The following INPP5D variants were observed in gnomAD, a reference collection of about 807,000 sequenced individuals.
INPP5D encodes the protein inositol polyphosphate-5-phosphatase D.
Under a neutral mutation model 122.9 loss-of-function variants are expected in INPP5D, and 33 were observed. The ratio of observed to expected loss-of-function variants is 0.27; its 90% CI spans 0.20 to 0.36. INPP5D has a LOEUF of 0.36. INPP5D is among the 10% of genes least tolerant of loss of function. The pLI, the probability that INPP5D is intolerant of heterozygous loss-of-function variation, is 1.00. For missense variants in INPP5D, 1,053 were observed against 1,412.7 expected (o/e 0.75, Z 4.08); for synonymous variants, 584 against 576.2 (o/e 1.01, Z -0.19).
rs958947511 is a variant in INPP5D at position 233,204,140 on chromosome 2, G to A, written c.2990G>A (p.Gly997Glu). ...RTQESRPSDL[G>E]KNAGDTLPQE... ...CCTGGCTCTAGGCCCAGTGACCTGG[G>A]GAAGAACGCAGGGGACACGCTGCCT... Residue 997 changes from glycine to glutamate, a missense_variant, in exon 26 of 27, where the codon GGG becomes GAG. Physicochemically the swap from Gly to Glu is moderately conservative, Grantham distance 98. Around this residue, in one of 6 missense-constraint regions of INPP5D, gnomAD observed 417 missense variants for 425.8 expected, o/e 0.98. Coordinates refer to ENST00000445964, the MANE Select transcript of INPP5D (RefSeq NM_001017915.3). The A allele has an allele frequency of 6.4e-7, 1 of 1,556,130 alleles. No individual in the cohort carries two copies. The highest frequency in any genetic ancestry group is 8.7e-7 in the Non-Finnish European group (1 of 1,150,652).
intron 2 of INPP5D, among the ~76,000 whole-genome samples, chr2:233,119,252 G>A (rs1420156104): frequency 2.6e-5 from 4 of 152,260 alleles, no homozygotes; most frequent in South Asian, 4.1e-4. Flanking sequence ...CACATGAGGC[G>A]TTCAACTTCA....
intron 2 of INPP5D, among the ~76,000 whole-genome samples, chr2:233,096,002 C>A (rs1237947630): frequency 2.6e-5 from 4 of 152,180 alleles, no homozygotes; most frequent in Admixed American, 2.0e-4. Context: ...ATTCATGCAT[C>A]TTTTGTGCTT....
chr2:233,194,290 C>T (rs560736667), intron 23 of INPP5D, among the ~76,000 whole-genome samples: 1 of 152,132 alleles, frequency 6.6e-6, no homozygotes, highest in Non-Finnish European at 1.5e-5. Flanking sequence ...AGCGAACCTA[C>T]GTCTTGTTAA....
intron 19 of INPP5D, 127 bp from the exon 20 acceptor site, chr2:233,184,281 C>A (rs555536405): frequency 3.0e-6 from 4 of 1,343,100 alleles, no homozygotes; most frequent in Admixed American, 5.0e-5. Flanking sequence ...CTTTAGTTCT[C>A]CTCCCACTAG....
At chr2:233,129,916 G>C (rs1693270060) in intron 4 of INPP5D, among the ~76,000 whole-genome samples, 1 of 143,676 alleles carries the variant, frequency 7.0e-6, no homozygotes, top group African/African-American at 2.8e-5. Flanking sequence ...GTGTGTGTGT[G>C]TGAGAGACAG....
intron 1 of INPP5D, among the ~76,000 whole-genome samples, chr2:233,070,201 C>G (rs996518170): frequency 2.6e-5 from 4 of 152,190 alleles, no homozygotes; most frequent in Non-Finnish European, 5.9e-5. Context: ...AAGTTTATAT[C>G]ACACTTGTTG....
chr2:233,189,562 G>A lies in INPP5D; in HGVS notation c.2359-288G>A, dbSNP rs1022915589. 6.6e-6 allele frequency among the ~76,000 whole-genome samples: 1 copy of A among 152,176 alleles called. No homozygotes were observed. Among genetic ancestry groups the A allele is most frequent in the Non-Finnish European group, 1.5e-5 (1 of 68,032 alleles). On this transcript the variant is annotated intron_variant, in intron 21 of 26. Transcript: ENST00000445964. The surrounding 1 kb of genome is among the most constrained non-coding windows in gnomAD (Gnocchi z 5.6). Reference sequence around the variant, plus strand: ...GGAAGGAACGGGGGCAATGGATGGGGCCCATCTGGGGTCAGGCCTTCTTGC... The same window carrying A: ...GGAAGGAACGGGGGCAATGGATGGGACCCATCTGGGGTCAGGCCTTCTTGC...
rs79339118 is a variant in INPP5D, at chr2:233,185,120, G to A, written c.2275+599G>A. On this transcript the variant is annotated intron_variant, in intron 20 of 26. Coordinates refer to ENST00000445964, the MANE Select transcript of INPP5D (RefSeq NM_001017915.3). ...TGTTTCATGGCTAGGGAAGAGCTGCGTGTGTCCAGCCGTCTTCGCTGAGAT... is the reference window on the plus strand; with the variant it reads ...TGTTTCATGGCTAGGGAAGAGCTGCATGTGTCCAGCCGTCTTCGCTGAGAT... 8.4e-3 allele frequency among the ~76,000 whole-genome samples: 1,285 copies of A among 152,264 alleles called. 18 individuals are homozygous for A. The highest frequency in any genetic ancestry group is 0.063 in the East Asian group (326 of 5,174).
chr2:233,063,295 C>T (rs568379369), intron 1 of INPP5D, among the ~76,000 whole-genome samples: 1 of 152,354 alleles, frequency 6.6e-6, no homozygotes, highest in Non-Finnish European at 1.5e-5. Context: ...GCCCCATGGC[C>T]CCTCAGATCA....
intron 1 of INPP5D, among the ~76,000 whole-genome samples, chr2:233,067,088 A>G (rs183713231): frequency 1.3e-5 from 2 of 152,274 alleles, no homozygotes; most frequent in African/African-American, 4.8e-5. Context: ...CTGGTATACA[A>G]TTCTTTATCG....
intron 2 of INPP5D, among the ~76,000 whole-genome samples, chr2:233,121,121 C>CTTT (rs369587747): frequency 2.2e-4 from 26 of 117,586 alleles, no homozygotes; most frequent in Non-Finnish European, 2.7e-4. Context: ...TTCTTTCTTT[C>CTTT]TTTTTTTTTT....
chr2:233,135,848 G>C (rs1271496198), intron 5 of INPP5D, among the ~76,000 whole-genome samples: 3 of 152,042 alleles, frequency 2.0e-5, no homozygotes, highest in Admixed American at 6.5e-5. Context: ...TATAGTCCTG[G>C]TGATCTTAAA....
intron 25 of INPP5D, among the ~76,000 whole-genome samples, chr2:233,202,498 C>T (rs1049764193): frequency 2.0e-5 from 3 of 152,262 alleles, no homozygotes; most frequent in African/African-American, 7.2e-5. Flanking sequence ...TGGCTTCTCA[C>T]CGGCACCTGT....
chr2:233,145,967 A>AT lies in INPP5D; in HGVS notation c.754-189dup, dbSNP rs200290055. The AT allele has an allele frequency of 2.4e-3, 1,650 of 698,338 alleles. 25 individuals carry two copies. The African/African-American group carries it at 0.025, about 11-fold the overall frequency. The allele number at this position is 698,338 out of a possible 1,614,324, so 43.3% of individuals were successfully genotyped here. A position where few individuals can be genotyped will look rare whatever the true frequency, so the allele number is the denominator to read the frequency against. ...TACAGGGAAGAAGAAATGAAGATCT[A>AT]TTTTTTGGCCATGTGAATTCTGAGA... On this transcript the variant is annotated intron_variant, in intron 6 of 26. Transcript: ENST00000445964.
chr2:233,068,891 G>A (rs1691303562), intron 1 of INPP5D, among the ~76,000 whole-genome samples: 1 of 152,164 alleles, frequency 6.6e-6, no homozygotes, highest in East Asian at 1.9e-4. Flanking sequence ...CCAGCAGGAG[G>A]AAGGGATGGG....
chr2:233,134,959 A>G (rs1435201649), intron 5 of INPP5D, among the ~76,000 whole-genome samples: 1 of 128,190 alleles, frequency 7.8e-6, no homozygotes, highest in Non-Finnish European at 1.9e-5. Context: ...GAAAAGATTA[A>G]GCAAACCTAG....
At chr2:233,196,734 CTT>C (rs1251251064) in intron 24 of INPP5D, among the ~76,000 whole-genome samples, 1 of 152,214 alleles carries the variant, frequency 6.6e-6, no homozygotes, top group Non-Finnish European at 1.5e-5. Flanking sequence ...GTTCTGGTCT[CTT>C]TGCCGGCTCA....
intron 18 of INPP5D, among the ~76,000 whole-genome samples, chr2:233,178,749 G>C (rs951292018): frequency 6.6e-6 from 1 of 152,204 alleles, no homozygotes; most frequent in African/African-American, 2.4e-5. Flanking sequence ...CTCCCCAGGT[G>C]CTGGGATTAC....
At chr2:233,099,520 G>T (rs1441599855) in intron 2 of INPP5D, among the ~76,000 whole-genome samples, 1 of 152,216 alleles carries the variant, frequency 6.6e-6, no homozygotes, top group East Asian at 1.9e-4. Flanking sequence ...CTCTCCCTGT[G>T]CTCTTCAACA....
Sources: gnomAD v4.1 joint callset for allele counts (sites outside exome capture counted in the v4.1 genomes callset) on GRCh38, gnomAD v4.1.1 for gene constraint, gnomAD v4.1.1 regional missense constraint, Gnocchi (gnomAD v3.1) non-coding constraint, MANE v1.5 for transcripts, NCBI Gene and HGNC (gene_info 2026-07-23, HGNC 2026-07-21) for gene names.